The following ANKIB1 variants were observed in gnomAD, a reference collection of about 807,000 sequenced individuals.
ANKIB1 encodes ankyrin repeat and IBR domain containing 1, also known as ankyrin repeat and IBR domain-containing protein 1.
In ANKIB1, 43 loss-of-function variants were observed where a neutral mutation model predicts 122.1. The observed-to-expected ratio is 0.35, with a 90% confidence interval of 0.28 to 0.45. The LOEUF (loss-of-function observed/expected upper bound fraction) is 0.45, where lower values mean the gene tolerates loss of function less well. Ranked by LOEUF, ANKIB1 falls within the 20% of genes least tolerant of loss-of-function variation. The pLI is 1.00. For missense variants in ANKIB1, 992 were observed against 1,329.5 expected, an observed-to-expected ratio of 0.75 and a Z score of 3.95; for synonymous variants, 390 against 442.0, an observed-to-expected ratio of 0.88 and a Z score of 1.48.
chr7:92,247,340 A>G (rs1313145884), intron 1 of ANKIB1, among the ~76,000 whole-genome samples: 1 of 152,236 alleles, frequency 6.6e-6, no homozygotes, highest in African/African-American at 2.4e-5. Context: ...GGTATGTGTA[A>G]GGTGTAAAAA....
chr7:92,266,369 A>G (rs1340901473), intron 1 of ANKIB1, among the ~76,000 whole-genome samples: 1 of 152,146 alleles, frequency 6.6e-6, no homozygotes, highest in South Asian at 2.1e-4. Flanking sequence ...GGGAAAAGGG[A>G]ACTCTGAAGA....
At position 92,307,475 on chromosome 7, in the gene ANKIB1, G is replaced by A. The variant is rs748534845; in HGVS notation, c.305G>A (p.Arg102His). The A allele has an allele frequency of 1.2e-5, 20 of 1,613,676 alleles. No individual in the cohort carries two copies. The highest frequency in any genetic ancestry group is 1.0e-4 in the Admixed American group (6 of 59,988). Residue 102 changes from arginine to histidine, a missense_variant, in exon 3 of 20, where the codon CGC becomes CAC. Around this residue, in one of 4 missense-constraint regions of ANKIB1, gnomAD observed 33 missense variants for 27.5 expected, o/e 1.20. Transcript: ENST00000265742. ...ATATCTGAAGGAGCCCTTCATCCTC[G>A]CTTGGCACGCCCCACAGAAGATGAT... ...IMISEGALHP[R>H]LARPTEDDFR...
chr7:92,388,072 A>G (rs1335676855), intron 14 of ANKIB1, 31 bp downstream of exon 14: 1 of 1,523,766 alleles, frequency 6.6e-7, no homozygotes, highest in African/African-American at 1.4e-5. Flanking sequence ...GTGATAATTA[A>G]TATAAAATAT....
intron 1 of ANKIB1, among the ~76,000 whole-genome samples, chr7:92,273,678 C>A (rs1317678766): frequency 6.6e-6 from 1 of 152,074 alleles, no homozygotes; most frequent in African/African-American, 2.4e-5. Flanking sequence ...CAGGCCAGAA[C>A]TAATACAAAG....
intron 4 of ANKIB1, among the ~76,000 whole-genome samples, chr7:92,323,869 T>A (rs1003384963): frequency 6.6e-6 from 1 of 152,218 alleles, no homozygotes; most frequent in East Asian, 1.9e-4. Flanking sequence ...TTTGAATGAT[T>A]CCATTTATAT....
At chr7:92,297,466 T>C (rs1802378616) in intron 2 of ANKIB1, among the ~76,000 whole-genome samples, 1 of 152,212 alleles carries the variant, frequency 6.6e-6, no homozygotes, top group South Asian at 2.1e-4. Context: ...AATATACACT[T>C]GCTAATGTTT....
intron 1 of ANKIB1, among the ~76,000 whole-genome samples, chr7:92,262,927 A>T (rs538932987): frequency 1.3e-5 from 2 of 152,306 alleles, no homozygotes; most frequent in East Asian, 3.9e-4. Flanking sequence ...ATAATGGCCA[A>T]GGAAGGGAGG....
intron 1 of ANKIB1, among the ~76,000 whole-genome samples, chr7:92,293,929 G>A (rs1802299292): frequency 6.6e-6 from 1 of 152,136 alleles, no homozygotes; most frequent in African/African-American, 2.4e-5. Flanking sequence ...CATTAACTAA[G>A]GACTGCAGTA....
At chr7:92,373,612 T>C (rs562997240) in intron 11 of ANKIB1, among the ~76,000 whole-genome samples, 56 of 152,312 alleles carry the variant, frequency 3.7e-4, no homozygotes, top group African/African-American at 1.3e-3. Flanking sequence ...AGAAGACTTA[T>C]GTAAAAGTAT....
chr7:92,338,255 T>TA (rs538242807), intron 5 of ANKIB1, among the ~76,000 whole-genome samples: 2,984 of 137,364 alleles, frequency 0.022, 75 homozygotes, highest in East Asian at 0.092. Context: ...ACAAAAAAAT[T>TA]AAAAAAAAAA....
intron 11 of ANKIB1, among the ~76,000 whole-genome samples, chr7:92,378,892 A>T (rs1405070788): frequency 6.6e-6 from 1 of 152,226 alleles, no homozygotes; most frequent in African/African-American, 2.4e-5. Context: ...TATCAACAAC[A>T]GTCAACAACC....
intron 9 of ANKIB1, among the ~76,000 whole-genome samples, chr7:92,355,107 TC>T (rs1803767077): frequency 6.6e-6 from 1 of 152,194 alleles, no homozygotes. Context: ...CTCTACCTGT[TC>T]ACAAAGTTCC....
intron 2 of ANKIB1, among the ~76,000 whole-genome samples, chr7:92,298,145 G>A (rs1186686747): frequency 2.6e-5 from 4 of 151,968 alleles, no homozygotes; most frequent in Admixed American, 2.6e-4. Flanking sequence ...CTACTAGAAT[G>A]TAAATATTAT....
At chr7:92,269,711 G>C (rs1801742444) in intron 1 of ANKIB1, among the ~76,000 whole-genome samples, 1 of 151,880 alleles carries the variant, frequency 6.6e-6, no homozygotes, top group African/African-American at 2.4e-5. Context: ...TGGCTACCTT[G>C]GTGTTGTATC....
At chr7:92,375,578 A>T (rs555572577) in intron 11 of ANKIB1, among the ~76,000 whole-genome samples, 1 of 152,344 alleles carries the variant, frequency 6.6e-6, no homozygotes, top group East Asian at 1.9e-4. Flanking sequence ...TTCAGGCTGC[A>T]CTTCCAGTTC....
intron 5 of ANKIB1, among the ~76,000 whole-genome samples, chr7:92,334,922 ATTTAC>A (rs780578353): frequency 1.3e-5 from 2 of 151,916 alleles, no homozygotes; most frequent in Non-Finnish European, 2.9e-5. Context: ...CTATCCATTA[ATTTAC>A]TTAGGGTGAA....
chr7:92,290,885 G>A (rs1304766134), intron 1 of ANKIB1, among the ~76,000 whole-genome samples: 2 of 152,138 alleles, frequency 1.3e-5, no homozygotes, highest in African/African-American at 4.8e-5. Context: ...GTTGTTGTGG[G>A]TTGAAGGGGA....
chr7:92,342,962 T>C, intron 5 of ANKIB1, 62 bp from the exon 6 acceptor site: 5 of 1,469,896 alleles, frequency 3.4e-6, no homozygotes, highest in Non-Finnish European at 4.8e-6. Flanking sequence ...TGTTATTATA[T>C]AGCTTTTATA....
At chr7:92,378,933 C>T (rs1323713149) in intron 11 of ANKIB1, among the ~76,000 whole-genome samples, 1 of 152,134 alleles carries the variant, frequency 6.6e-6, no homozygotes, top group Non-Finnish European at 1.5e-5. Context: ...TACTGAAAGG[C>T]CTCATTTATC....
Sources: allele counts gnomAD v4.1 joint callset (sites outside exome capture counted in the v4.1 genomes callset), GRCh38; gene constraint gnomAD v4.1.1; regional missense constraint gnomAD v4.1.1; transcripts MANE v1.5; gene names NCBI Gene and HGNC (gene_info 2026-07-23, HGNC 2026-07-21).